Variants in ZNF567 observed in about 807,000 individuals in gnomAD.
ZNF567 encodes zinc finger protein 567.
Under a neutral mutation model 53.9 loss-of-function variants are expected in ZNF567, and 36 were observed. That is an observed-to-expected ratio of 0.67 (90% confidence interval 0.51 to 0.88). ZNF567 has a LOEUF of 0.88. Ranked by LOEUF, ZNF567 falls within the 40% of genes least tolerant of loss-of-function variation. ZNF567 has a pLI of 0.00. For missense variants in ZNF567, 619 were observed against 764.7 expected (o/e 0.81, Z 2.25); for synonymous variants, 224 against 260.4 (o/e 0.86, Z 1.35).
chr19:36,721,490 G>T (rs935893001), downstream of ZNF567, among the ~76,000 whole-genome samples: 1 of 152,082 alleles, frequency 6.6e-6, no homozygotes, highest in Non-Finnish European at 1.5e-5. Context: ...TTGTGAGAAG[G>T]CTATTAATAA....
downstream of ZNF567, among the ~76,000 whole-genome samples, chr19:36,725,054 G>A (rs985744099): frequency 6.6e-6 from 1 of 152,006 alleles, no homozygotes; most frequent in Non-Finnish European, 1.5e-5. Flanking sequence ...ATTGAGAGTT[G>A]TTCCTTTCAG....
At chr19:36,715,001 G>T (rs1397243522) in intron 5 of ZNF567, among the ~76,000 whole-genome samples, 1 of 151,964 alleles carries the variant, frequency 6.6e-6, no homozygotes, top group African/African-American at 2.4e-5. Flanking sequence ...TTTATTTTAT[G>T]TAGATGGCAC....
upstream of ZNF567, among the ~76,000 whole-genome samples, chr19:36,683,318 C>T (rs1322532510): frequency 6.6e-6 from 1 of 152,044 alleles, no homozygotes; most frequent in African/African-American, 2.4e-5. Flanking sequence ...GTGTTCCACC[C>T]GTCTCAGCCT....
At chr19:36,708,580 T>C (rs1457942056) in intron 3 of ZNF567, among the ~76,000 whole-genome samples, 1 of 152,212 alleles carries the variant, frequency 6.6e-6, no homozygotes, top group Non-Finnish European at 1.5e-5. Context: ...TATATTATCT[T>C]ACAAAATGGT....
intron 3 of ZNF567, among the ~76,000 whole-genome samples, chr19:36,708,137 G>C (rs556325322): frequency 6.6e-6 from 1 of 152,228 alleles, no homozygotes; most frequent in South Asian, 2.1e-4. Context: ...TGATCTTCCT[G>C]TCTCAGCTTC....
intron 5 of ZNF567, 134 bp downstream of exon 5, chr19:36,713,001 C>G (rs1196917002): frequency 1.2e-5 from 8 of 681,892 alleles, no homozygotes; most frequent in South Asian, 1.1e-4. Flanking sequence ...ACCTTCATGC[C>G]TATAAAACTC....
chr19:36,695,988 A>T (rs933313184), intron 3 of ZNF567, among the ~76,000 whole-genome samples: 2 of 152,180 alleles, frequency 1.3e-5, no homozygotes, highest in Admixed American at 6.5e-5. Flanking sequence ...AAAACTGAGA[A>T]TCTTGTGTTT....
rs1447827535 is a variant in ZNF567, at chr19:36,719,244, C to A, written c.520C>A (p.Gln174Lys). 6.2e-7 allele frequency: 1 copy of A among 1,613,824 alleles called. No homozygotes were observed. Among genetic ancestry groups the A allele is most frequent in the Non-Finnish European group, 8.5e-7 (1 of 1,179,930 alleles). Reference sequence around the variant, plus strand: ...TGGGAAATCACTCCTGAGTACTAAACAAGAGACTACTCATCCTGAAGTCAA... The same window carrying A: ...TGGGAAATCACTCCTGAGTACTAAAAAAGAGACTACTCATCCTGAAGTCAA... The part of the protein sequence containing the change: ...GYGKSLLSTK[Q>K]ETTHPEVKSH... The change falls in exon 6 of 6, where the codon CAA (glutamine) becomes AAA (lysine). Residue 174 changes from glutamine (Q) to lysine (K), a missense_variant. Coordinates refer to ENST00000682579, the MANE Select transcript of ZNF567 (RefSeq NM_001322917.1).
chr19:36,670,158 G>A, the ZNF567 span, among the ~76,000 whole-genome samples: 2 of 152,180 alleles, frequency 1.3e-5, no homozygotes, highest in Non-Finnish European at 2.9e-5. Context: ...GCTTATGGCA[G>A]TTAGGTGATG....
At chr19:36,718,360 G>A (rs943736567) in intron 5 of ZNF567, among the ~76,000 whole-genome samples, 2 of 152,088 alleles carry the variant, frequency 1.3e-5, no homozygotes, top group Non-Finnish European at 2.9e-5. Flanking sequence ...TTAGCTAGGC[G>A]TGGTGGCACA....
intron 5 of ZNF567, among the ~76,000 whole-genome samples, chr19:36,718,319 G>A (rs1383316383): frequency 6.6e-6 from 1 of 152,070 alleles, no homozygotes; most frequent in East Asian, 1.9e-4. Flanking sequence ...CCAGCATGGT[G>A]AAACCCCGTC....
rs1188868019 is a variant in ZNF567 at position 36,720,985 on chromosome 19, AAG to A, written c.*321_*322del. 5.9e-6 allele frequency: 1 copy of A among 169,368 alleles called. No homozygotes were observed. The highest frequency in any genetic ancestry group is 2.4e-5 in the African/African-American group (1 of 42,102). 10.5% of individuals were successfully genotyped at this position (169,368 alleles called of 1,614,324 possible). ...AATGATTATAAGTATTAATCTCCAT[AAG>A]AGAAAATATTTATGAACTATATTTC... On this transcript the variant is annotated 3_prime_UTR_variant, in exon 6 of 6. Transcript: ENST00000682579.
Position 36,712,476 on chromosome 19 carries a change from G to A in ZNF567, c.100G>A (p.Val34Met). The change falls in exon 4 of 6, where the codon GTG becomes ATG. Residue 34 changes from valine to methionine, a missense_variant. Transcript: ENST00000682579. ...DHAQKTLYMD[V>M]MLENYCHLIS... ...TGCTCAGAAGACTCTATATATGGAT[G>A]TGATGTTGGAAAACTATTGCCACCT... 6.2e-7 allele frequency: 1 copy of A among 1,614,122 alleles called. No homozygotes were observed. Among genetic ancestry groups the A allele is most frequent in the Non-Finnish European group, 8.5e-7 (1 of 1,179,980 alleles).
chr19:36,718,946 A>C lies in ZNF567; in HGVS notation c.224-2A>C, dbSNP rs142228061. The C allele has an allele frequency of 5.2e-6, 8 of 1,548,332 alleles. No homozygotes were observed. The highest frequency in any genetic ancestry group is 6.1e-6 in the Non-Finnish European group (7 of 1,154,336). Reference sequence around the variant, plus strand: ...ATTGTTATCAATTATATTCTTTTCTAGAAGAAAACTGGAAAGCTGAAGACT... The same window carrying C: ...ATTGTTATCAATTATATTCTTTTCTCGAAGAAAACTGGAAAGCTGAAGACT... On this transcript the variant is annotated splice_acceptor_variant, in intron 5 of 5. Coordinates refer to ENST00000682579, the MANE Select transcript of ZNF567 (RefSeq NM_001322917.1). LOFTEE classifies it high-confidence loss of function.
At chr19:36,693,488 A>G (rs1568684412) in intron 2 of ZNF567, among the ~76,000 whole-genome samples, 1 of 152,172 alleles carries the variant, frequency 6.6e-6, no homozygotes, top group Non-Finnish European at 1.5e-5. Flanking sequence ...ACTTGAATAA[A>G]AGGACAGGAA....
intron 5 of ZNF567, among the ~76,000 whole-genome samples, chr19:36,715,504 A>AT (rs1404607092): frequency 0.041 from 1,008 of 24,370 alleles, 7 homozygotes; most frequent in East Asian, 0.11. Flanking sequence ...AATAATAATA[A>AT]TAATAATTAT....
At chr19:36,683,561 C>T (rs1308339941), upstream of ZNF567, among the ~76,000 whole-genome samples, 2 of 152,070 alleles carry the variant, frequency 1.3e-5, no homozygotes, top group East Asian at 3.9e-4. Flanking sequence ...TGGCCAGGTG[C>T]AATGGCTCAC....
At chr19:36,672,019 A>G in the ZNF567 span, among the ~76,000 whole-genome samples, 48,618 of 152,148 alleles carry the variant, frequency 0.32, 8,055 homozygotes, top group East Asian at 0.58. Context: ...GGAGTTCCCT[A>G]TGATCAGTTG....
At chr19:36,687,560 C>G (rs1269533012), upstream of ZNF567, 5 of 152,298 alleles carry the variant, frequency 3.3e-5, no homozygotes, top group Admixed American at 2.0e-4. Flanking sequence ...ACAGCAGGAA[C>G]GCGCCGCGGA....
Sources: allele counts gnomAD v4.1 joint callset (sites outside exome capture counted in the v4.1 genomes callset), GRCh38; gene constraint gnomAD v4.1.1; transcripts MANE v1.5; gene names NCBI Gene and HGNC (gene_info 2026-07-23, HGNC 2026-07-21).